PDE4D: variants seen among roughly 807,000 people sequenced by gnomAD.
The protein encoded by PDE4D is phosphodiesterase 4D.
A neutral mutation model predicts 87.4 loss-of-function variants in PDE4D; 24 were observed. The ratio of observed to expected loss-of-function variants is 0.27; its 90% CI spans 0.20 to 0.39. The LOEUF (loss-of-function observed/expected upper bound fraction) is 0.39, where lower values mean the gene tolerates loss of function less well. PDE4D is among the 10% of genes least tolerant of loss of function. The pLI is 1.00. For synonymous variants in PDE4D, 384 were observed against 383.2 expected (o/e 1.00, Z -0.02); for missense variants, 714 against 1,041.0 (o/e 0.69, Z 4.32).
intron 3 of PDE4D, among the ~76,000 whole-genome samples, chr5:59,923,569 G>T (rs1359151896): frequency 6.6e-6 from 1 of 152,176 alleles, no homozygotes; most frequent in Non-Finnish European, 1.5e-5. Flanking sequence ...AAGAATCTCT[G>T]CCTAGTAATC....
At chr5:59,021,625 G>A (rs1013487788) in intron 6 of PDE4D, among the ~76,000 whole-genome samples, 1 of 152,116 alleles carries the variant, frequency 6.6e-6, no homozygotes, top group African/African-American at 2.4e-5. Flanking sequence ...GGTAGATTAT[G>A]TTAGTCCTGA....
chr5:59,025,304 G>GA (rs985729037), intron 6 of PDE4D, among the ~76,000 whole-genome samples: 1 of 151,764 alleles, frequency 6.6e-6, no homozygotes, highest in East Asian at 1.9e-4. Flanking sequence ...CCTAAAGATT[G>GA]AAAAAAACAC....
intron 1 of PDE4D, among the ~76,000 whole-genome samples, chr5:59,360,381 T>C (rs1460980730): frequency 6.6e-6 from 1 of 152,138 alleles, no homozygotes; most frequent in African/African-American, 2.4e-5. Context: ...TGCTGTATTT[T>C]GAAATAGTCT....
rs562938562 is a variant in PDE4D at position 59,751,587 on chromosome 5, G to A, written c.455+141581C>T. ...ATATAAATCCCTGGTGTGTGTGTGT[G>A]TGTGTGTGTGTGTGTGTGTGTGTGA... On this transcript the variant is annotated intron_variant, in intron 1 of 14. Coordinates refer to ENST00000340635, the MANE Select transcript of PDE4D (RefSeq NM_001104631.2). Among the ~76,000 whole-genome samples the A allele has an allele frequency of 1.2e-3, 184 of 150,384 alleles. 2 individuals are homozygous for A. The highest frequency in any genetic ancestry group is 1.3e-3 in the Non-Finnish European group (87 of 67,604).
In PDE4D at chr5:59,275,745, A is replaced by G. The variant is rs997696629; in HGVS notation, c.456-59777T>C. The G allele has an allele frequency of 1.6e-5, 16 of 1,018,252 alleles. No individual in the cohort carries two copies. The African/African-American group carries it at 2.7e-4, about 17-fold the overall frequency. The allele number at this position is 1,018,252 out of a possible 1,614,324, so 63.1% of individuals were successfully genotyped here. A position where few individuals can be genotyped will look rare whatever the true frequency, so the allele number is the denominator to read the frequency against. ...ACCAGCATAGTGAAAGAGTCACTTG[A>G]TCTCTTTTTTGCAATTCCATAGTAA... On this transcript the variant is annotated intron_variant, in intron 1 of 14. Transcript: ENST00000340635.
intron 1 of PDE4D, among the ~76,000 whole-genome samples, chr5:59,553,088 C>G (rs1211236071): frequency 6.6e-6 from 1 of 152,066 alleles, no homozygotes; most frequent in African/African-American, 2.4e-5. Flanking sequence ...ACAGATATCG[C>G]TTTGTCAAGG....
At chr5:60,224,833 C>T (rs1007949704) in intron 1 of PDE4D, among the ~76,000 whole-genome samples, 1 of 151,870 alleles carries the variant, frequency 6.6e-6, no homozygotes, top group African/African-American at 2.4e-5. Flanking sequence ...AGAAAGAATT[C>T]GTGGCCATTT....
intron 3 of PDE4D, among the ~76,000 whole-genome samples, chr5:59,188,314 T>C (rs1344437918): frequency 1.3e-5 from 2 of 152,144 alleles, no homozygotes; most frequent in Non-Finnish European, 1.5e-5. Flanking sequence ...CAAAATTACA[T>C]TGGGAATGAT....
At chr5:60,417,600 C>T (rs1435871480) in intron 1 of PDE4D, among the ~76,000 whole-genome samples, 5 of 152,114 alleles carry the variant, frequency 3.3e-5, no homozygotes, top group Non-Finnish European at 7.4e-5. Context: ...GACAGGAGGA[C>T]ATAGAAGAGT....
chr5:59,911,356 A>C (rs1221800604), intron 3 of PDE4D, among the ~76,000 whole-genome samples: 9 of 152,122 alleles, frequency 5.9e-5, no homozygotes, highest in Admixed American at 1.3e-4. Context: ...AAACTGGCTC[A>C]TCTGGTCTTG....
intron 1 of PDE4D, among the ~76,000 whole-genome samples, chr5:59,513,142 T>C (rs1482515395): frequency 6.6e-6 from 1 of 152,174 alleles, no homozygotes; most frequent in African/African-American, 2.4e-5. Context: ...ATAGTGAATA[T>C]TGGTTTACAG....
intron 6 of PDE4D, among the ~76,000 whole-genome samples, chr5:59,010,925 G>A (rs973223985): frequency 2.0e-5 from 3 of 152,108 alleles, no homozygotes; most frequent in Admixed American, 6.5e-5. Flanking sequence ...ACAGCCAGAT[G>A]CCCCTCTGAG....
At chr5:59,866,025 A>G (rs1012463971) in intron 1 of PDE4D, among the ~76,000 whole-genome samples, 1 of 152,222 alleles carries the variant, frequency 6.6e-6, no homozygotes, top group Non-Finnish European at 1.5e-5. Flanking sequence ...ATGAAAATGT[A>G]ATTTGCTAAT....
intron 1 of PDE4D, among the ~76,000 whole-genome samples, chr5:59,880,890 G>GT (rs1749338949): frequency 6.6e-6 from 1 of 151,978 alleles, no homozygotes; most frequent in Non-Finnish European, 1.5e-5. Flanking sequence ...GTTATTACTG[G>GT]TTTTTTATTT....
At chr5:60,084,670 A>C (rs902181362) in intron 2 of PDE4D, among the ~76,000 whole-genome samples, 1 of 152,244 alleles carries the variant, frequency 6.6e-6, no homozygotes, top group African/African-American at 2.4e-5. Flanking sequence ...AACTCTCTTA[A>C]AGTTTGTCAC....
chr5:59,165,910 T>C (rs1303896685), intron 5 of PDE4D, among the ~76,000 whole-genome samples: 1 of 152,118 alleles, frequency 6.6e-6, no homozygotes, highest in Non-Finnish European at 1.5e-5. Flanking sequence ...AGAACAGTTG[T>C]GGGGATCTCA....
intron 3 of PDE4D, among the ~76,000 whole-genome samples, chr5:59,186,588 T>TC (rs1742971232): frequency 6.6e-6 from 1 of 152,220 alleles, no homozygotes; most frequent in African/African-American, 2.4e-5. Context: ...TAATTTTTTT[T>TC]CTAAGACAAA....
rs564541288 is a variant in PDE4D at position 59,913,661 on chromosome 5, A to T, written c.272+74827T>A. Among the ~76,000 whole-genome samples, 389 of 152,284 alleles carry T rather than the reference A, an allele frequency of 2.6e-3. 2 individuals are homozygous for T. Among genetic ancestry groups the T allele is most frequent in the African/African-American group, 9.1e-3 (379 of 41,562 alleles). On this transcript the variant is annotated intron_variant, in intron 3 of 16. Transcript: ENST00000502484. Reference sequence around the variant, plus strand: ...TTTGTATTTGTCTACCTCAGGCATAATATGTATATTTCTACTTAGAAATTC... The same window carrying T: ...TTTGTATTTGTCTACCTCAGGCATATTATGTATATTTCTACTTAGAAATTC...
intron 1 of PDE4D, among the ~76,000 whole-genome samples, chr5:59,660,953 A>C (rs1445971072): frequency 6.6e-6 from 1 of 151,840 alleles, no homozygotes; most frequent in Non-Finnish European, 1.5e-5. Context: ...TGCCAAGAGT[A>C]ACCCCTACTG....
Sources: gnomAD v4.1 joint callset for allele counts (sites outside exome capture counted in the v4.1 genomes callset) on GRCh38, gnomAD v4.1.1 for gene constraint, MANE v1.5 for transcripts, NCBI Gene and HGNC (gene_info 2026-07-23, HGNC 2026-07-21) for gene names.